The following FBN1 variants were observed in gnomAD, a reference collection of about 807,000 sequenced individuals.
The protein encoded by FBN1 is fibrillin-1.
In FBN1, 29 loss-of-function variants were observed where a neutral mutation model predicts 365.1. The observed-to-expected ratio is 0.08, with a 90% CI of 0.06 to 0.11. The LOEUF is 0.11. Among genes scored for constraint, FBN1 ranks in the 10% least tolerant of loss-of-function variants. The pLI, the probability that FBN1 is intolerant of heterozygous loss-of-function variation, is 1.00. For synonymous variants in FBN1, 1,210 were observed against 1,270.5 expected (o/e 0.95, Z 1.01); for missense variants, 2,476 against 3,703.2 (o/e 0.67, Z 8.60).
chr15:48,488,709 A>C (rs58899942), intron 25 of FBN1, among the ~76,000 whole-genome samples: 1,887 of 152,300 alleles, frequency 0.012, 38 homozygotes, highest in African/African-American at 0.044. Context: ...ATTGTTAAAG[A>C]AGCAAATAAT....
In FBN1 at chr15:48,645,634, G is replaced by C. The variant is rs1342540967; in HGVS notation, c.-241C>G. ...GCGGCGGCTGCTCCCAGTCGTGGCC[G>C]CTACAGCCACTGCTCGGCTCCGCTC... On this transcript the variant is annotated 5_prime_UTR_variant, in exon 1 of 66. Transcript: ENST00000316623. 1 of 152,362 alleles carries C rather than the reference G, an allele frequency of 6.6e-6. No individual in the cohort carries two copies. Among genetic ancestry groups the C allele is most frequent in the Non-Finnish European group, 1.5e-5 (1 of 68,180 alleles). The allele number at this position is 152,362 out of a possible 1,614,324, so 9.4% of individuals were successfully genotyped here. A position where few individuals can be genotyped will look rare whatever the true frequency, so the allele number is the denominator to read the frequency against.
intron 2 of FBN1, among the ~76,000 whole-genome samples, chr15:48,634,864 CACA>C (rs1890065696): frequency 3.0e-5 from 3 of 100,510 alleles, no homozygotes; most frequent in African/African-American, 2.6e-4. Context: ...AAACCACACA[CACA>C]CACACACACA....
intron 46 of FBN1, among the ~76,000 whole-genome samples, chr15:48,448,538 T>C (rs1323104886): frequency 1.3e-5 from 2 of 152,156 alleles, no homozygotes; most frequent in African/African-American, 4.8e-5. Flanking sequence ...ATTTACCCCT[T>C]AGTCAATTTT....
chr15:48,609,383 C>G (rs1214205656), intron 4 of FBN1, among the ~76,000 whole-genome samples: 1 of 152,210 alleles, frequency 6.6e-6, no homozygotes, highest in Admixed American at 6.5e-5. Flanking sequence ...CCACCAGAAG[C>G]AGATTCTGAG....
chr15:48,534,236 A>G, intron 7 of FBN1, 31 bp from the exon 8 acceptor site: 2 of 1,599,242 alleles, frequency 1.3e-6, no homozygotes, highest in Non-Finnish European at 1.7e-6. Context: ...GAGAGAAAAA[A>G]AAAAAACTCA....
chr15:48,455,808 T>C (rs973786429), intron 44 of FBN1, among the ~76,000 whole-genome samples: 1 of 152,238 alleles, frequency 6.6e-6, no homozygotes, highest in African/African-American at 2.4e-5. Flanking sequence ...ACTTGTGGTA[T>C]ATAAGTTGTC....
At chr15:48,439,091 A>G (rs2043093807) in intron 50 of FBN1, among the ~76,000 whole-genome samples, 1 of 152,164 alleles carries the variant, frequency 6.6e-6, no homozygotes, top group Non-Finnish European at 1.5e-5. Context: ...ACCAGCTTTT[A>G]TTTCATGACA....
intron 14 of FBN1, among the ~76,000 whole-genome samples, chr15:48,508,947 T>A (rs764907898): frequency 6.6e-6 from 1 of 152,222 alleles, no homozygotes; most frequent in South Asian, 2.1e-4. Context: ...TATAGGTATA[T>A]CTATTTATAA....
In FBN1 at chr15:48,513,607, C is replaced by T. The variant is rs147511977; in HGVS notation, c.1530G>A (p.Ser510=). The T allele has an allele frequency of 1.8e-5, 29 of 1,613,856 alleles. No individual in the cohort carries two copies. Among genetic ancestry groups the T allele is most frequent in the South Asian group, 5.5e-5 (5 of 91,080 alleles). ...AGGECINNQG[S]YTCQCRAGYQ... ...ATCCAGCTCGGCACTGACAGGTGTA[C>T]GAACCCTGGTTGTTAATACACTCAC... is the stretch of plus-strand genomic sequence containing the variant. The change falls in exon 13 of 66, where the codon TCG becomes TCA. Residue 510 remains serine (S), a synonymous_variant. Transcript: ENST00000316623.
At chr15:48,435,776 G>GTGTATATATATGTATATATA (rs1566895708) in intron 53 of FBN1, among the ~76,000 whole-genome samples, 5 of 28,574 alleles carry the variant, frequency 1.7e-4, no homozygotes, top group African/African-American at 4.4e-4. Context: ...GTGTATATGT[G>GTGTATATATATGTATATATA]TGTGTGTGTG....
intron 32 of FBN1, chr15:48,476,758 C>A (rs1247424546): frequency 1.8e-5 from 3 of 168,354 alleles, no homozygotes; most frequent in African/African-American, 7.5e-5. Context: ...TTACAGGTGC[C>A]TGCCACCACG....
At position 48,513,577 on chromosome 15, in the gene FBN1, C is replaced by G. The variant is rs143253318; in HGVS notation, c.1560G>C (p.Gln520His). The G allele has an allele frequency of 1.9e-6, 3 of 1,613,916 alleles. No homozygotes were observed. The highest frequency in any genetic ancestry group is 1.7e-6 in the Non-Finnish European group (2 of 1,179,946). ...SYTCQCRAGY[Q>H]STLTRTECRD... ...GGCATTCTGTCCGCGTGAGTGTGCT[C>G]TGATATCCAGCTCGGCACTGACAGG... The change falls in exon 13 of 66, where the codon CAG (glutamine) becomes CAC (histidine). Residue 520 changes from glutamine (Q) to histidine (H), a missense_variant. Gln to His is a conservative substitution (Grantham distance 24). Coordinates refer to ENST00000316623, the MANE Select transcript of FBN1 (RefSeq NM_000138.5).
In FBN1 at chr15:48,409,149, A is replaced by G. The variant is rs1432867759; in HGVS notation, c.*1841T>C. The G allele has an allele frequency of 6.6e-6, 1 of 152,228 alleles. No individual in the cohort carries two copies. The highest frequency in any genetic ancestry group is 2.4e-5 in the African/African-American group (1 of 41,468). 9.4% of individuals were successfully genotyped at this position (152,228 alleles called of 1,614,324 possible). On this transcript the variant is annotated 3_prime_UTR_variant, in exon 66 of 66. Transcript: ENST00000316623. ...TGTTAATGGCCTGTTAGGTGGAAGAAAGCATCTTTGTCCAATGGTTGCCAT... is the reference window on the plus strand; with the variant it reads ...TGTTAATGGCCTGTTAGGTGGAAGAGAGCATCTTTGTCCAATGGTTGCCAT...
At chr15:48,492,410 T>C in intron 24 of FBN1, 51 bp downstream of exon 24, 1 of 1,571,266 alleles carries the variant, frequency 6.4e-7, no homozygotes, top group Non-Finnish European at 8.7e-7. Context: ...ACTTCATTTT[T>C]AATAATCGTT....
chr15:48,433,084 G>T, intron 54 of FBN1, 96 bp from the exon 55 acceptor site: 3 of 1,341,830 alleles, frequency 2.2e-6, no homozygotes, highest in Non-Finnish European at 3.2e-6. Context: ...ACCAAAAGTT[G>T]CAATGCTTCA....
intron 2 of FBN1, among the ~76,000 whole-genome samples, chr15:48,629,379 C>T (rs1201919779): frequency 1.3e-5 from 2 of 152,008 alleles, no homozygotes; most frequent in African/African-American, 2.4e-5. Flanking sequence ...TCTACATATT[C>T]AAAAATATTT....
chr15:48,435,806 GTGTGTA>G (rs202209962), intron 53 of FBN1, among the ~76,000 whole-genome samples: 40 of 137,290 alleles, frequency 2.9e-4, no homozygotes, highest in East Asian at 1.9e-3. Context: ...GTGTGTGTGT[GTGTGTA>G]TATATGCCTT....
intron 9 of FBN1, among the ~76,000 whole-genome samples, chr15:48,522,079 T>A (rs2043862113): frequency 6.6e-6 from 1 of 152,222 alleles, no homozygotes. Flanking sequence ...GAACTGCGCA[T>A]GCGAGGGTTC....
At chr15:48,563,417 G>A (rs1468184339) in intron 6 of FBN1, among the ~76,000 whole-genome samples, 1 of 152,062 alleles carries the variant, frequency 6.6e-6, no homozygotes, top group African/African-American at 2.4e-5. Flanking sequence ...TGTCCTGCAG[G>A]GAGCAGGCAG....
Sources: allele counts gnomAD v4.1 joint callset (sites outside exome capture counted in the v4.1 genomes callset), GRCh38; gene constraint gnomAD v4.1.1; transcripts MANE v1.5; gene names NCBI Gene and HGNC (gene_info 2026-07-23, HGNC 2026-07-21).